The following CFLAR variants were observed in gnomAD, a reference collection of about 807,000 sequenced individuals.
CFLAR encodes CASP8 and FADD like apoptosis regulator.
Under a neutral mutation model 51.1 loss-of-function variants are expected in CFLAR, and 14 were observed. The observed-to-expected ratio is 0.27, with a 90% CI of 0.18 to 0.43. The LOEUF (loss-of-function observed/expected upper bound fraction) is 0.43. Ranked by LOEUF, CFLAR falls within the 20% of genes least tolerant of loss-of-function variation. The pLI is 1.00. For missense variants in CFLAR, 390 were observed against 566.5 expected (o/e 0.69, Z 3.16); for synonymous variants, 210 against 211.6 (o/e 0.99, Z 0.06).
chr2:201,119,346 C>T (rs576106852), intron 1 of CFLAR, among the ~76,000 whole-genome samples: 1 of 152,328 alleles, frequency 6.6e-6, no homozygotes, highest in East Asian at 1.9e-4. Context: ...GTTACCTACA[C>T]AGGTAACTTC....
Position 201,167,671 on chromosome 2 carries a change from T to G in CFLAR, c.*3698T>G, listed in dbSNP as rs1483607370. ...CTTGGCCTCATGAGCTAAAACCCTGTGTTAATTATGACAGAAGGAAAGTGT... is the reference window on the plus strand; with the variant it reads ...CTTGGCCTCATGAGCTAAAACCCTGGGTTAATTATGACAGAAGGAAAGTGT... On this transcript the variant is annotated 3_prime_UTR_variant, in exon 10 of 10. Transcript: ENST00000309955. The G allele has an allele frequency of 1.3e-5, 2 of 152,232 alleles. No homozygotes were observed. The highest frequency in any genetic ancestry group is 4.8e-5 in the African/African-American group (2 of 41,460). 9.4% of individuals were successfully genotyped at this position (152,232 alleles called of 1,614,324 possible).
intron 3 of CFLAR, among the ~76,000 whole-genome samples, chr2:201,133,988 G>A (rs1234995299): frequency 2.0e-5 from 3 of 150,374 alleles, no homozygotes; most frequent in Admixed American, 6.6e-5. Context: ...TGAAGATCTC[G>A]GGGATGTCAT....
intron 8 of CFLAR, among the ~76,000 whole-genome samples, chr2:201,151,833 G>A (rs1366948179): frequency 2.6e-5 from 4 of 151,996 alleles, no homozygotes; most frequent in Admixed American, 6.6e-5. Flanking sequence ...TCTTGGGGGC[G>A]GGGGCTGAAT....
At position 201,169,563 on chromosome 2, in the gene CFLAR, A is replaced by G. The variant is rs894214144; in HGVS notation, c.*5590A>G. On this transcript the variant is annotated 3_prime_UTR_variant, in exon 10 of 10. Coordinates refer to ENST00000309955, the MANE Select transcript of CFLAR (RefSeq NM_003879.7). ...AGGCACAAGCAAAGGTTTCATGACA[A>G]AAACATCAAAAGCAATTGCAACAAA... is the stretch of plus-strand genomic sequence containing the variant. 2 of 152,206 alleles carry G rather than the reference A, an allele frequency of 1.3e-5. No individual in the cohort carries two copies. Among genetic ancestry groups the G allele is most frequent in the East Asian group, 3.8e-4 (2 of 5,206 alleles). The allele number at this position is 152,206 out of a possible 1,614,324, so 9.4% of individuals were successfully genotyped here.
In CFLAR at chr2:201,173,928, T is replaced by A. The variant is rs1004876520; in HGVS notation, c.*9955T>A. Reference sequence around the variant, plus strand: ...CTCAGGTGATCTGCCTGCCTCGGCCTCCCAAAATGCTAGGATTACAGGCGT... The same window carrying A: ...CTCAGGTGATCTGCCTGCCTCGGCCACCCAAAATGCTAGGATTACAGGCGT... On this transcript the variant is annotated 3_prime_UTR_variant, in exon 10 of 10. Coordinates refer to ENST00000309955, the MANE Select transcript of CFLAR (RefSeq NM_003879.7). 4 of 152,264 alleles carry A rather than the reference T, an allele frequency of 2.6e-5. No homozygotes were observed. The highest frequency in any genetic ancestry group is 2.6e-4 in the Admixed American group (4 of 15,278). The allele number at this position is 152,264 out of a possible 1,614,324, so 9.4% of individuals were successfully genotyped here. A position where few individuals can be genotyped will look rare whatever the true frequency, so the allele number is the denominator to read the frequency against.
chr2:201,143,859 G>A (rs113807768), intron 5 of CFLAR, among the ~76,000 whole-genome samples: 3,049 of 152,194 alleles, frequency 0.02, 111 homozygotes, highest in African/African-American at 0.069. Context: ...CTACTCTGGA[G>A]GCCGAGGCAG....
intron 1 of CFLAR, among the ~76,000 whole-genome samples, chr2:201,121,030 G>T: frequency 6.6e-6 from 1 of 151,420 alleles, no homozygotes; most frequent in East Asian, 1.9e-4. Context: ...TCCCTCTGCT[G>T]TCTGGAGCTC....
intron 1 of CFLAR, among the ~76,000 whole-genome samples, chr2:201,126,403 T>C (rs943123111): frequency 6.6e-6 from 1 of 152,194 alleles, no homozygotes; most frequent in African/African-American, 2.4e-5. Flanking sequence ...GTTAATTGCA[T>C]TCTTGGATGT....
rs1031926547 is a variant in CFLAR, at chr2:201,170,093, C to G, written c.*6120C>G. 1.3e-5 allele frequency: 2 copies of G among 152,220 alleles called. No individual in the cohort carries two copies. Among genetic ancestry groups the G allele is most frequent in the African/African-American group, 4.8e-5 (2 of 41,458 alleles). 9.4% of individuals were successfully genotyped at this position (152,220 alleles called of 1,614,324 possible). A position where few individuals can be genotyped will look rare whatever the true frequency, so the allele number is the denominator to read the frequency against. On this transcript the variant is annotated 3_prime_UTR_variant, in exon 10 of 10. Coordinates refer to ENST00000309955, the MANE Select transcript of CFLAR (RefSeq NM_003879.7). Reference sequence around the variant, plus strand: ...TAGAAATACTATTTGTCCCAGCAATCCCATTACTGGGTATATACCCAAAGG... The same window carrying G: ...TAGAAATACTATTTGTCCCAGCAATGCCATTACTGGGTATATACCCAAAGG...
At chr2:201,157,379 A>G (rs537092468) in intron 8 of CFLAR, among the ~76,000 whole-genome samples, 56 of 152,040 alleles carry the variant, frequency 3.7e-4, no homozygotes, top group Non-Finnish European at 6.3e-4. Flanking sequence ...CAGCTCAAGC[A>G]ATCCACCCGC....
At position 201,176,621 on chromosome 2, in the gene CFLAR, G is replaced by A. The variant is rs914202186; in HGVS notation, c.*12648G>A. 6.6e-6 allele frequency: 1 copy of A among 152,064 alleles called. No individual in the cohort carries two copies. Among genetic ancestry groups the A allele is most frequent in the Admixed American group, 6.6e-5 (1 of 15,252 alleles). The allele number at this position is 152,064 out of a possible 1,614,324, so 9.4% of individuals were successfully genotyped here. A position where few individuals can be genotyped will look rare whatever the true frequency, so the allele number is the denominator to read the frequency against. ...CTAGAAACAACAAACTAACCTTGAA[G>A]TGAAAGGCCTTTCTGCGTTTATCTT... On this transcript the variant is annotated 3_prime_UTR_variant, in exon 10 of 10. Transcript: ENST00000309955.
intron 6 of CFLAR, chr2:201,146,399 G>C (rs1402032620): frequency 6.6e-6 from 1 of 152,056 alleles, no homozygotes; most frequent in Non-Finnish European, 1.5e-5. Context: ...CACCCACCTC[G>C]GTCTCCCAAA....
chr2:201,148,907 G>C (rs1940771760), intron 6 of CFLAR, 96 bp from the exon 7 acceptor site: 4 of 804,510 alleles, frequency 5.0e-6, no homozygotes, highest in Non-Finnish European at 8.7e-6. Context: ...AAAATAGGAA[G>C]GGAGAACAGT....
Position 201,163,890 on chromosome 2 carries a change from A to G in CFLAR, c.1360A>G (p.Asn454Asp). The change falls in exon 10 of 10, where the codon AAC (asparagine) becomes GAC (aspartate). Residue 454 changes from asparagine to aspartate, a missense_variant. Asn to Asp is a conservative substitution (Grantham distance 23). This residue lies in a region of CFLAR where 287 missense variants were observed against 363.6 expected (regional missense o/e 0.79). Transcript: ENST00000309955. ...ACTCAATGGCTACATGTATGATTGGAACAGCAGAGTTTCTGCCAAGGAGAA... is the reference window on the plus strand; with the variant it reads ...ACTCAATGGCTACATGTATGATTGGGACAGCAGAGTTTCTGCCAAGGAGAA... The part of the protein sequence containing the change: ...IELNGYMYDW[N>D]SRVSAKEKYY... 1.9e-6 allele frequency: 3 copies of G among 1,614,148 alleles called. No individual in the cohort carries two copies. The highest frequency in any genetic ancestry group is 2.5e-6 in the Non-Finnish European group (3 of 1,180,004).
At chr2:201,146,943 AACT>A (rs1940309784) in intron 6 of CFLAR, among the ~76,000 whole-genome samples, 1 of 152,206 alleles carries the variant, frequency 6.6e-6, no homozygotes, top group Non-Finnish European at 1.5e-5. Context: ...CTCCAGCAAA[AACT>A]ACTGAGAAGC....
intron 5 of CFLAR, chr2:201,140,774 T>TATATATAC (rs1327076163): frequency 1.2e-5 from 2 of 161,926 alleles, no homozygotes; most frequent in African/African-American, 4.8e-5. Flanking sequence ...TATATATATA[T>TATATATAC]ATACATACAT....
At chr2:201,148,923 T>C (rs1475707768) in intron 6 of CFLAR, 80 bp from the exon 7 acceptor site, 1 of 913,952 alleles carries the variant, frequency 1.1e-6, no homozygotes, top group South Asian at 1.3e-5. Flanking sequence ...ACAGTTGTTA[T>C]ACAAAGAAAC....
rs543698881 is a variant in CFLAR at position 201,168,376 on chromosome 2, A to G, written c.*4403A>G. The G allele has an allele frequency of 5.3e-4, 81 of 152,368 alleles. No individual in the cohort carries two copies. Among genetic ancestry groups the G allele is most frequent in the African/African-American group, 1.9e-3 (80 of 41,586 alleles). 9.4% of individuals were successfully genotyped at this position (152,368 alleles called of 1,614,324 possible). A position where few individuals can be genotyped will look rare whatever the true frequency, so the allele number is the denominator to read the frequency against. On this transcript the variant is annotated 3_prime_UTR_variant, in exon 10 of 10. Transcript: ENST00000309955. ...ATAAACAGAACTAAAGACAAAAACC[A>G]CATGATTATCTCAATAGATACAGAA...
Position 201,138,848 on chromosome 2 carries a change from C to T in CFLAR, c.524-1509C>T. The T allele has an allele frequency of 2.7e-6, 2 of 731,876 alleles. No homozygotes were observed. Among genetic ancestry groups the T allele is most frequent in the Middle Eastern group, 3.9e-4 (1 of 2,594 alleles). The allele number at this position is 731,876 out of a possible 1,614,324, so 45.3% of individuals were successfully genotyped here. A position where few individuals can be genotyped will look rare whatever the true frequency, so the allele number is the denominator to read the frequency against. ...CCAGGTCGGCCTCTGTCACAGTGTC[C>T]ATGGGGGAGGAGATCAGCGGCGTCT... is the stretch of plus-strand genomic sequence containing the variant. On this transcript the variant is annotated intron_variant, in intron 4 of 9. Transcript: ENST00000309955. This position sits in a 1 kb window ranked among gnomAD's most constrained non-coding sequence, Gnocchi z 4.0.
Sources: gnomAD v4.1 joint callset for allele counts (sites outside exome capture counted in the v4.1 genomes callset) on GRCh38, gnomAD v4.1.1 for gene constraint, gnomAD v4.1.1 regional missense constraint, Gnocchi (gnomAD v3.1) non-coding constraint, MANE v1.5 for transcripts, NCBI Gene and HGNC (gene_info 2026-07-23, HGNC 2026-07-21) for gene names.